The following NACC2 variants were observed in gnomAD, a reference collection of about 807,000 sequenced individuals.
NACC2 encodes the protein NACC family member 2, also known as nucleus accumbens-associated protein 2.
A neutral mutation model predicts 25.1 loss-of-function variants in NACC2; 8 were observed. The observed-to-expected ratio is 0.32, with a 90% confidence interval of 0.19 to 0.57. The LOEUF (loss-of-function observed/expected upper bound fraction) is 0.57, where lower values mean the gene tolerates loss of function less well. Among genes scored for constraint, NACC2 ranks in the 20% least tolerant of loss-of-function variants. The pLI is 0.89. For missense variants in NACC2, 644 were observed against 650.2 expected, an observed-to-expected ratio of 0.99 and a Z score of 0.10; for synonymous variants, 435 against 294.7, an observed-to-expected ratio of 1.48 and a Z score of -4.88.
chr9:136,016,371 G>T lies in NACC2; in HGVS notation c.945C>A (p.Arg315=). Residue 315 remains arginine, a synonymous_variant, in exon 3 of 6, where the codon CGC becomes CGA. Coordinates refer to ENST00000277554, the MANE Select transcript of NACC2 (RefSeq NM_144653.5). ...LESRSCVLIR[R]DLVALPASLI... is the part of the protein sequence containing the mutation. ...GGCTGGCAGGTAGGGCCACGAGGTC[G>T]CGGCGGATGAGGACGCAGGAGCGGC... 2 of 1,611,860 alleles carry T rather than the reference G, an allele frequency of 1.2e-6. No homozygotes were observed. The highest frequency in any genetic ancestry group is 1.7e-6 in the Non-Finnish European group (2 of 1,179,954).
At position 136,010,931 on chromosome 9, in the gene NACC2, CACACACACGCACACACACACACTCGT is replaced by C. The variant is rs1840095625; in HGVS notation, c.*559_*584del. ...TCACTGCCCCCTCACCACACCCCTG[CACACACACGCACACACACACACTCGT>C]GCACACACCCCACACAGGTGGAAGG... On this transcript the variant is annotated 3_prime_UTR_variant, in exon 6 of 6. Transcript: ENST00000277554. The surrounding 1 kb of genome is among the most constrained non-coding windows in gnomAD (Gnocchi z 4.9). 1 of 152,308 alleles carries C rather than the reference CACACACACGCACACACACACACTCGT, an allele frequency of 6.6e-6. No homozygotes were observed. The highest frequency in any genetic ancestry group is 2.4e-5 in the African/African-American group (1 of 41,430). The allele number at this position is 152,308 out of a possible 1,614,324, so 9.4% of individuals were successfully genotyped here.
At chr9:136,021,463 G>A (rs1840292454) in intron 2 of NACC2, among the ~76,000 whole-genome samples, 1 of 152,232 alleles carries the variant, frequency 6.6e-6, no homozygotes, top group Non-Finnish European at 1.5e-5. Flanking sequence ...ACCCCCAAGT[G>A]CTGGCGAGGA....
chr9:136,094,879 G>T (rs1217787322), intron 1 of NACC2, among the ~76,000 whole-genome samples: 6 of 150,622 alleles, frequency 4.0e-5, no homozygotes, highest in Non-Finnish European at 8.9e-5. Flanking sequence ...GGAGCGCCCC[G>T]GGACGCCCGG....
rs1381750020 is a variant in NACC2 at position 136,011,360 on chromosome 9, C to T, written c.*156G>A. On this transcript the variant is annotated 3_prime_UTR_variant, in exon 6 of 6. Coordinates refer to ENST00000277554, the MANE Select transcript of NACC2 (RefSeq NM_144653.5). ...ACAGTATAATGAATGCATTTGTTTCCTTCATCAATTTTAAATACAAGCAGA... is the reference window on the plus strand; with the variant it reads ...ACAGTATAATGAATGCATTTGTTTCTTTCATCAATTTTAAATACAAGCAGA... 1.1e-6 allele frequency: 1 copy of T among 878,884 alleles called. No individual in the cohort carries two copies. The highest frequency in any genetic ancestry group is 1.5e-6 in the Non-Finnish European group (1 of 650,200). 54.4% of individuals were successfully genotyped at this position (878,884 alleles called of 1,614,324 possible).
Position 136,049,302 on chromosome 9 carries a change from C to T in NACC2, c.886+334G>A, listed in dbSNP as rs906752040. Among the ~76,000 whole-genome samples the T allele has an allele frequency of 2.4e-4, 37 of 152,326 alleles. No homozygotes were observed. The East Asian group carries it at 7.1e-3, about 29-fold the overall frequency. The stretch of plus-strand genomic sequence containing the variant: ...AGGTTAAAGGGGAAGTAGGCGGGTC[C>T]TCCCGTACACCGCGTGGCGCCAGGC... On this transcript the variant is annotated intron_variant, in intron 2 of 5. Transcript: ENST00000277554.
chr9:136,030,370 G>A (rs541610916), intron 2 of NACC2, among the ~76,000 whole-genome samples: 8 of 152,132 alleles, frequency 5.3e-5, no homozygotes, highest in East Asian at 2.0e-4. Context: ...AGCACTTTGC[G>A]AGGCCAAGGC....
chr9:136,023,428 C>G (rs1840328220), intron 2 of NACC2, among the ~76,000 whole-genome samples: 1 of 152,122 alleles, frequency 6.6e-6, no homozygotes, highest in Non-Finnish European at 1.5e-5. Flanking sequence ...ACAGTCCCAT[C>G]AAACCTGGCC....
chr9:136,062,438 G>C (rs927877599), intron 1 of NACC2, among the ~76,000 whole-genome samples: 7 of 152,138 alleles, frequency 4.6e-5, no homozygotes, highest in African/African-American at 1.7e-4. Flanking sequence ...TTGGCCCGTG[G>C]GGCATTAACC....
intron 1 of NACC2, among the ~76,000 whole-genome samples, chr9:136,089,506 GCTC>G (rs2131192131): frequency 6.6e-6 from 1 of 151,956 alleles, no homozygotes; most frequent in African/African-American, 2.4e-5. Context: ...CTGGTGGGGG[GCTC>G]CTGTTAGCCC....
intron 1 of NACC2, among the ~76,000 whole-genome samples, chr9:136,054,326 G>A (rs1348279194): frequency 6.6e-6 from 1 of 152,210 alleles, no homozygotes; most frequent in Non-Finnish European, 1.5e-5. Context: ...TGTGGTCCCT[G>A]GGGATCGAGG....
chr9:136,035,835 T>TAC (rs557557939), intron 2 of NACC2, among the ~76,000 whole-genome samples: 173 of 152,356 alleles, frequency 1.1e-3, no homozygotes, highest in African/African-American at 4.0e-3. Context: ...GGTAAATTCC[T>TAC]ACCAATTGTG....
In NACC2 at chr9:136,019,532, A is replaced by G. The variant is rs1840256034; in HGVS notation, c.887-3103T>C. Reference sequence around the variant, plus strand: ...CAGGTGCCAGGACGGTGCCCTCCAAACCTCTCAGCATGGTGACATCTGGGA... The same window carrying G: ...CAGGTGCCAGGACGGTGCCCTCCAAGCCTCTCAGCATGGTGACATCTGGGA... On this transcript the variant is annotated intron_variant, in intron 2 of 5. Coordinates refer to ENST00000277554, the MANE Select transcript of NACC2 (RefSeq NM_144653.5). This position sits in a 1 kb window ranked among gnomAD's most constrained non-coding sequence, Gnocchi z 5.2. 1 of 152,108 alleles carries G rather than the reference A, an allele frequency of 6.6e-6. No homozygotes were observed. The highest frequency in any genetic ancestry group is 1.5e-5 in the Non-Finnish European group (1 of 68,064). 9.4% of individuals were successfully genotyped at this position (152,108 alleles called of 1,614,324 possible).
chr9:136,086,322 T>C lies in NACC2; in HGVS notation c.-60+8867A>G, dbSNP rs72773729. Among the ~76,000 whole-genome samples, 9,231 of 151,298 alleles carry C rather than the reference T, an allele frequency of 0.061. 305 individuals are homozygous for C. The highest frequency in any genetic ancestry group is 0.08 in the African/African-American group (3,282 of 41,178). Reference sequence around the variant, plus strand: ...GCCTCCCACTCAGAGCTGGGAGGGGTTTGGGGGGTGGGGGTGCCTCTGTTT... The same window carrying C: ...GCCTCCCACTCAGAGCTGGGAGGGGCTTGGGGGGTGGGGGTGCCTCTGTTT... On this transcript the variant is annotated intron_variant, in intron 1 of 5. Coordinates refer to ENST00000277554, the MANE Select transcript of NACC2 (RefSeq NM_144653.5). This position sits in a 1 kb window ranked among gnomAD's most constrained non-coding sequence, Gnocchi z 5.6.
intron 2 of NACC2, among the ~76,000 whole-genome samples, chr9:136,021,901 GAC>G (rs748446765): frequency 1.6e-4 from 24 of 152,346 alleles, no homozygotes; most frequent in Non-Finnish European, 2.6e-4. Flanking sequence ...AAACTTGGGG[GAC>G]AGAGAATCAT....
Position 136,049,951 on chromosome 9 carries a change from G to T in NACC2, c.571C>A (p.Arg191Ser). Residue 191 changes from arginine to serine, a missense_variant, in exon 2 of 6, where the codon CGC becomes AGC. By Grantham distance (110) the Arg-to-Ser change is moderately radical. Coordinates refer to ENST00000277554, the MANE Select transcript of NACC2 (RefSeq NM_144653.5). ...TCCCGGGGCCCCGTCTCCAGCGGGC[G>T]CTTGGGGGCCAGGCCTGGGCCGGCC... is the stretch of plus-strand genomic sequence containing the variant. The part of the protein sequence containing the change: ...PPAGPGLAPK[R>S]PLETGPRDGV... The T allele has an allele frequency of 1.7e-6, 1 of 590,960 alleles. No individual in the cohort carries two copies. The highest frequency in any genetic ancestry group is 3.0e-5 in the East Asian group (1 of 33,752). The allele number at this position is 590,960 out of a possible 1,614,324, so 36.6% of individuals were successfully genotyped here.
intron 1 of NACC2, among the ~76,000 whole-genome samples, chr9:136,077,439 G>A (rs1382332860): frequency 6.6e-6 from 1 of 152,200 alleles, no homozygotes; most frequent in Admixed American, 6.5e-5. Flanking sequence ...TTGATAAGTC[G>A]TGCTTCATTA....
chr9:136,026,343 C>CAAAAAAA (rs34514433), intron 2 of NACC2, among the ~76,000 whole-genome samples: 7 of 45,518 alleles, frequency 1.5e-4, no homozygotes, highest in East Asian at 1.6e-3. Flanking sequence ...AACTCCATCT[C>CAAAAAAA]AAAAAAAAAA....
At chr9:136,016,770 C>T (rs1024989755) in intron 2 of NACC2, among the ~76,000 whole-genome samples, 6 of 152,192 alleles carry the variant, frequency 3.9e-5, no homozygotes, top group African/African-American at 1.4e-4. Context: ...GCAGAGCCTG[C>T]TTGCCGGGCA....
At chr9:136,072,258 C>A (rs1265968929) in intron 1 of NACC2, among the ~76,000 whole-genome samples, 1 of 151,244 alleles carries the variant, frequency 6.6e-6, no homozygotes, top group African/African-American at 2.4e-5. Context: ...AAAAAAAAAA[C>A]CCAAAGGCAG....
Sources: allele counts gnomAD v4.1 joint callset (sites outside exome capture counted in the v4.1 genomes callset), GRCh38; gene constraint gnomAD v4.1.1; non-coding constraint Gnocchi (gnomAD v3.1); transcripts MANE v1.5; gene names NCBI Gene and HGNC (gene_info 2026-07-23, HGNC 2026-07-21).